Variants in TMTC4 observed in about 807,000 individuals in gnomAD.
TMTC4 encodes the protein transmembrane O-mannosyltransferase targeting cadherins 4, also known as protein O-mannosyl-transferase TMTC4.
TMTC4 carries 65 observed loss-of-function variants against 86.0 expected under a neutral mutation model. The ratio of observed to expected loss-of-function variants is 0.76; its 90% CI spans 0.62 to 0.93. The LOEUF (loss-of-function observed/expected upper bound fraction) is 0.93, where lower values mean the gene tolerates loss of function less well. Ranked by LOEUF, TMTC4 falls within the 40% of genes least tolerant of loss-of-function variation. The probability of loss-of-function intolerance (pLI) is 0.00; values close to 1 mark genes in which losing one functional copy is unlikely to be tolerated. For missense variants in TMTC4, 866 were observed against 948.1 expected (o/e 0.91, Z 1.14); for synonymous variants, 379 against 382.5 (o/e 0.99, Z 0.11).
At chr13:100,654,230 G>A (rs977392830) in intron 6 of TMTC4, among the ~76,000 whole-genome samples, 9 of 152,170 alleles carry the variant, frequency 5.9e-5, no homozygotes, top group Admixed American at 5.9e-4. Flanking sequence ...CACTGCTATC[G>A]GTTTGCAAAT....
At chr13:100,656,558 T>TTTTTTTTTTTTTTTTTTTTTTC (rs1885144887) in intron 5 of TMTC4, 90 bp from the exon 6 acceptor site, 1 of 740,270 alleles carries the variant, frequency 1.4e-6, no homozygotes, top group East Asian at 4.3e-5. Flanking sequence ...TTTTTTTTTT[T>TTTTTTTTTTTTTTTTTTTTTTC]TTGCGACAGG....
intron 5 of TMTC4, 73 bp from the exon 6 acceptor site, chr13:100,656,541 A>ATTTTTTTTTTTTTTTTT (rs1566630250): frequency 1.5e-5 from 7 of 462,988 alleles, no homozygotes; most frequent in Admixed American, 7.6e-5. Context: ...AGGAGACATA[A>ATTTTTTTTTTTTTTTTT]CTTTTTTTTT....
At chr13:100,652,185 AC>A (rs1475872090) in intron 6 of TMTC4, among the ~76,000 whole-genome samples, 1 of 151,572 alleles carries the variant, frequency 6.6e-6, no homozygotes, top group African/African-American at 2.4e-5. Context: ...CAACAAACAA[AC>A]AAAAAAACCA....
intron 5 of TMTC4, among the ~76,000 whole-genome samples, chr13:100,657,616 A>G (rs1256867949): frequency 6.6e-6 from 1 of 152,252 alleles, no homozygotes; most frequent in Non-Finnish European, 1.5e-5. Flanking sequence ...TGAATGTGAC[A>G]TGAACCAAAG....
At chr13:100,673,968 TAGTGGCTAG>T in intron 1 of TMTC4, 1 of 936,944 alleles carries the variant, frequency 1.1e-6, no homozygotes, top group Non-Finnish European at 1.3e-6. Context: ...GGATGACTCA[TAGTGGCTAG>T]ATCGTTCCTC....
chr13:100,628,313 CAT>C (rs1375407036), intron 12 of TMTC4, among the ~76,000 whole-genome samples: 1 of 152,216 alleles, frequency 6.6e-6, no homozygotes, highest in Non-Finnish European at 1.5e-5. Context: ...ATTTGTGTCA[CAT>C]GTGTCAGAAT....
chr13:100,650,853 G>C (rs1439763113), intron 6 of TMTC4, among the ~76,000 whole-genome samples: 1 of 152,248 alleles, frequency 6.6e-6, no homozygotes, highest in Non-Finnish European at 1.5e-5. Context: ...TAAGCAGTGT[G>C]ATTCTAAGTC....
At chr13:100,637,461 C>G in intron 9 of TMTC4, 77 bp downstream of exon 9, 5 of 1,525,142 alleles carry the variant, frequency 3.3e-6, no homozygotes, top group Non-Finnish European at 4.4e-6. Flanking sequence ...AGGAGTGAGA[C>G]GAGGAGGAGG....
intron 7 of TMTC4, among the ~76,000 whole-genome samples, chr13:100,640,695 C>G (rs1365443161): frequency 2.0e-5 from 3 of 151,840 alleles, no homozygotes; most frequent in Admixed American, 2.0e-4. Flanking sequence ...TGGCACACAC[C>G]TACACTATAC....
At chr13:100,648,956 TG>T (rs1884088753) in intron 6 of TMTC4, among the ~76,000 whole-genome samples, 1 of 152,200 alleles carries the variant, frequency 6.6e-6, no homozygotes, top group African/African-American at 2.4e-5. Context: ...CCCCAACTGC[TG>T]GGATTACAGG....
chr13:100,630,019 CTGTGTGTATGTGTGTGTGTG>C (rs1381157144), intron 12 of TMTC4, among the ~76,000 whole-genome samples: 10 of 146,678 alleles, frequency 6.8e-5, no homozygotes, highest in African/African-American at 1.0e-4. Context: ...GCCACCCAAT[CTGTGTGTATGTGTGTGTGTG>C]TGTGTGTGTG....
intron 1 of TMTC4, chr13:100,673,939 G>A (rs1288574298): frequency 2.6e-6 from 2 of 774,268 alleles, no homozygotes; most frequent in African/African-American, 3.8e-5. Flanking sequence ...TTGCTCTCCC[G>A]GGGAAAGAGC....
chr13:100,636,772 T>C (rs1566600417), intron 9 of TMTC4, 38 bp from the exon 10 acceptor site: 1 of 1,608,192 alleles, frequency 6.2e-7, no homozygotes, highest in African/African-American at 1.3e-5. Flanking sequence ...TATTTGATAC[T>C]GAACTTAAAA....
intron 6 of TMTC4, among the ~76,000 whole-genome samples, chr13:100,642,682 G>A (rs1439310630): frequency 6.6e-6 from 1 of 152,160 alleles, no homozygotes; most frequent in Non-Finnish European, 1.5e-5. Flanking sequence ...ACTGCAAACA[G>A]TCCATCTGGT....
intron 6 of TMTC4, among the ~76,000 whole-genome samples, chr13:100,650,725 A>G (rs1192820936): frequency 6.6e-6 from 1 of 152,248 alleles, no homozygotes; most frequent in Admixed American, 6.5e-5. Context: ...TGAAGCAACC[A>G]AAGAAACAGG....
chr13:100,668,003 G>C (rs1049395814), intron 3 of TMTC4, among the ~76,000 whole-genome samples: 8 of 152,228 alleles, frequency 5.3e-5, no homozygotes, highest in African/African-American at 1.4e-4. Context: ...CTGGGATTCT[G>C]CAAGTTCAGC....
chr13:100,660,672 T>TC (rs1566635846), intron 5 of TMTC4, among the ~76,000 whole-genome samples: 1 of 151,262 alleles, frequency 6.6e-6, no homozygotes, highest in Admixed American at 6.6e-5. Flanking sequence ...TTTTTTTTTT[T>TC]TGACAGAGTC....
intron 12 of TMTC4, among the ~76,000 whole-genome samples, chr13:100,633,324 A>G (rs1195237156): frequency 1.4e-5 from 2 of 146,134 alleles, no homozygotes; most frequent in Non-Finnish European, 1.5e-5. Context: ...AAAAAAAAAA[A>G]AAAAAAAAAA....
chr13:100,606,451 G>T (rs1262308258), intron 17 of TMTC4, 24 bp from the exon 18 acceptor site: 1 of 1,593,848 alleles, frequency 6.3e-7, no homozygotes, highest in Middle Eastern at 1.7e-4. Context: ...AACATAAAAA[G>T]GAAGATATTT....
Sources: allele counts gnomAD v4.1 joint callset (sites outside exome capture counted in the v4.1 genomes callset), GRCh38; gene constraint gnomAD v4.1.1; transcripts MANE v1.5; gene names NCBI Gene and HGNC (gene_info 2026-07-23, HGNC 2026-07-21).